The following CLIP1 variants were observed in gnomAD, a reference collection of about 807,000 sequenced individuals.
The protein encoded by CLIP1 is CAP-Gly domain-containing linker protein 1.
A neutral mutation model predicts 161.6 loss-of-function variants in CLIP1; 66 were observed. The ratio of observed to expected loss-of-function variants is 0.41; its 90% CI spans 0.33 to 0.50. The LOEUF (loss-of-function observed/expected upper bound fraction) is 0.50, where lower values mean the gene tolerates loss of function less well. CLIP1 is among the 20% of genes least tolerant of loss of function. The pLI is 0.27. For synonymous variants in CLIP1, 598 were observed against 626.2 expected (o/e 0.96, Z 0.67); for missense variants, 1,376 against 1,702.0 (o/e 0.81, Z 3.37).
chr12:122,278,751 A>G (rs1955531646), intron 23 of CLIP1, 41 bp downstream of exon 23: 2 of 1,529,132 alleles, frequency 1.3e-6, no homozygotes, highest in African/African-American at 2.8e-5. Flanking sequence ...CCTCGGGAGG[A>G]CGCGGGGTGT....
intron 11 of CLIP1, among the ~76,000 whole-genome samples, chr12:122,337,812 G>A (rs1006138248): frequency 2.0e-5 from 3 of 151,754 alleles, no homozygotes; most frequent in African/African-American, 4.8e-5. Context: ...TCAGGAGATC[G>A]AGGCCATCCT....
intron 1 of CLIP1, among the ~76,000 whole-genome samples, chr12:122,385,740 C>A (rs567174960): frequency 6.6e-6 from 1 of 152,298 alleles, no homozygotes; most frequent in East Asian, 1.9e-4. Context: ...TTGAAAGGAT[C>A]TTGAATGTTT....
intron 1 of CLIP1, among the ~76,000 whole-genome samples, chr12:122,404,776 G>A (rs923334195): frequency 3.3e-5 from 5 of 150,770 alleles, no homozygotes; most frequent in South Asian, 2.1e-4. Context: ...GGTGGCGGGC[G>A]CCTGTAGTCC....
At chr12:122,357,613 C>A (rs1375257168) in intron 5 of CLIP1, among the ~76,000 whole-genome samples, 1 of 147,488 alleles carries the variant, frequency 6.8e-6, no homozygotes, top group Admixed American at 6.7e-5. Context: ...GTGAGGGGCG[C>A]CTCTGCCCGG....
At chr12:122,314,088 C>T (rs1011448243) in intron 19 of CLIP1, among the ~76,000 whole-genome samples, 3 of 151,878 alleles carry the variant, frequency 2.0e-5, no homozygotes, top group African/African-American at 4.8e-5. Flanking sequence ...GTCAGGCGTT[C>T]GAGTACAGCC....
intron 21 of CLIP1, among the ~76,000 whole-genome samples, chr12:122,281,555 G>T (rs904776429): frequency 6.6e-6 from 1 of 151,946 alleles, no homozygotes; most frequent in Non-Finnish European, 1.5e-5. Flanking sequence ...AATTAGCTAG[G>T]CATGGCAGCG....
At chr12:122,313,871 T>G (rs1846972376) in intron 19 of CLIP1, among the ~76,000 whole-genome samples, 1 of 152,196 alleles carries the variant, frequency 6.6e-6, no homozygotes, top group South Asian at 2.1e-4. Context: ...AAAAGACTCC[T>G]AAGAGCCAGG....
chr12:122,278,215 G>GCAA lies in CLIP1; in HGVS notation c.3917-13_3917-12insTTG. ...AGTGTCTGTATTACCTTATATTTGA[G>GCAA]GAAAAAAAAAAAAAAACAAGTGGAG... is the stretch of plus-strand genomic sequence containing the variant. On this transcript the variant is annotated splice_polypyrimidine_tract_variant and intron_variant, in intron 23 of 25. Transcript: ENST00000620786. 2 of 1,196,544 alleles carry GCAA rather than the reference G, an allele frequency of 1.7e-6. No individual in the cohort carries two copies. Among genetic ancestry groups the GCAA allele is most frequent in the Non-Finnish European group, 1.1e-6 (1 of 915,130 alleles). 74.1% of individuals were successfully genotyped at this position (1,196,544 alleles called of 1,614,324 possible).
rs542688287 is a variant in CLIP1 at position 122,304,138 on chromosome 12, G to A, written c.3594+5624C>T. ...TTTCCCACCGTTGGTAAAATCCTGC[G>A]GTGGTGCAAAGGGGCATTGAGCCTC... On this transcript the variant is annotated intron_variant, in intron 20 of 25. Transcript: ENST00000620786. Among the ~76,000 whole-genome samples the A allele has an allele frequency of 8.5e-5, 13 of 152,278 alleles. No individual in the cohort carries two copies. In the South Asian group the frequency reaches 1.5e-3, roughly 17 times the overall value.
At chr12:122,385,046 C>A (rs1222078075) in intron 1 of CLIP1, among the ~76,000 whole-genome samples, 1 of 151,356 alleles carries the variant, frequency 6.6e-6, no homozygotes, top group Admixed American at 6.6e-5. Flanking sequence ...GATTCTCCTG[C>A]CTCAGACTCA....
intron 4 of CLIP1, among the ~76,000 whole-genome samples, chr12:122,362,521 A>C (rs557501493): frequency 1.3e-5 from 2 of 150,852 alleles, no homozygotes; most frequent in African/African-American, 4.9e-5. Context: ...TGTGTCTGTA[A>C]TCCCAGCTAC....
At position 122,403,805 on chromosome 12, in the gene CLIP1, C is replaced by A. The variant is rs73405846; in HGVS notation, c.-107+18716G>T. ...CAAAGTGTTGGGATTACCACATGAG[C>A]CACCGTGCCCAGCCGCATATAGCTG... is the stretch of plus-strand genomic sequence containing the variant. On this transcript the variant is annotated intron_variant, in intron 1 of 25. Coordinates refer to ENST00000620786, the MANE Select transcript of CLIP1 (RefSeq NM_001247997.2). Among the ~76,000 whole-genome samples the A allele has an allele frequency of 4.9e-4, 74 of 152,170 alleles. 1 individual carries two copies. The highest frequency in any genetic ancestry group is 1.7e-3 in the African/African-American group (70 of 41,512).
At position 122,294,355 on chromosome 12, in the gene CLIP1, A is replaced by ATC. The variant is rs1566086009; in HGVS notation, c.3595-5815_3595-5814insGA. ...AAAAAAAAAAAAAACAAAAAAAAAA[A>ATC]CCCCAAACTGGAACAACCCACTGTC... On this transcript the variant is annotated intron_variant, in intron 20 of 25. Transcript: ENST00000620786. Among the ~76,000 whole-genome samples the ATC allele has an allele frequency of 2.7e-5, 4 of 147,182 alleles. No individual in the cohort carries two copies. The East Asian group carries it at 8.3e-4, about 31-fold the overall frequency.
rs748213899 is a variant in CLIP1 at position 122,332,939 on chromosome 12, C to T, written c.2867+48G>A. On this transcript the variant is annotated intron_variant, in intron 15 of 25. Coordinates refer to ENST00000620786, the MANE Select transcript of CLIP1 (RefSeq NM_001247997.2). ...GTCTCCCCTCCCACCTAGAGCTTGC[C>T]GCAGAGCCTAACCTAAGGTCAGCAC... 1.9e-5 allele frequency: 29 copies of T among 1,528,508 alleles called. No homozygotes were observed. In the Admixed American group the frequency reaches 4.0e-4, roughly 21 times the overall value. The allele number at this position is 1,528,508 out of a possible 1,614,324, so 94.7% of individuals were successfully genotyped here.
chr12:122,421,508 A>G (rs1956941425), intron 1 of CLIP1, among the ~76,000 whole-genome samples: 1 of 152,146 alleles, frequency 6.6e-6, no homozygotes, highest in Non-Finnish European at 1.5e-5. Flanking sequence ...ACTGTCCTAA[A>G]AGAGGAAGAA....
At chr12:122,299,289 C>G (rs918200187) in intron 20 of CLIP1, among the ~76,000 whole-genome samples, 7 of 151,980 alleles carry the variant, frequency 4.6e-5, no homozygotes, top group African/African-American at 1.7e-4. Context: ...TCTACAAAAC[C>G]CCTCAAAAGC....
chr12:122,303,771 G>A (rs769646638), intron 20 of CLIP1, among the ~76,000 whole-genome samples: 4 of 152,114 alleles, frequency 2.6e-5, no homozygotes, highest in South Asian at 4.1e-4. Context: ...TATGTGATAC[G>A]ATCATAGAAA....
chr12:122,406,937 A>C (rs1593262141), intron 1 of CLIP1, among the ~76,000 whole-genome samples: 2 of 152,256 alleles, frequency 1.3e-5, no homozygotes, highest in Middle Eastern at 3.4e-3. Context: ...TGCAAAAAAA[A>C]AAAAAAATGT....
chr12:122,387,557 T>TC (rs1955339456), intron 1 of CLIP1, among the ~76,000 whole-genome samples: 7 of 9,742 alleles, frequency 7.2e-4, no homozygotes, highest in South Asian at 4.6e-3. Context: ...CATATATATA[T>TC]ATATATATAT....
Sources: allele counts gnomAD v4.1 joint callset (sites outside exome capture counted in the v4.1 genomes callset), GRCh38; gene constraint gnomAD v4.1.1; transcripts MANE v1.5; gene names NCBI Gene and HGNC (gene_info 2026-07-23, HGNC 2026-07-21).